Variants in SHISA9 observed in about 807,000 individuals in gnomAD.
The protein encoded by SHISA9 is protein shisa-9.
SHISA9 carries 13 observed loss-of-function variants against 38.0 expected under a neutral mutation model. The observed-to-expected ratio is 0.34, with a 90% CI of 0.22 to 0.54. The LOEUF (loss-of-function observed/expected upper bound fraction) is 0.54, where lower values mean the gene tolerates loss of function less well. SHISA9 is among the 20% of genes least tolerant of loss of function. SHISA9 has a pLI of 0.91. For synonymous variants in SHISA9, 275 were observed against 242.0 expected (o/e 1.14, Z -1.27); for missense variants, 538 against 575.8 (o/e 0.93, Z 0.67).
chr16:12,938,492 CT>C (rs1056586397), intron 2 of SHISA9, among the ~76,000 whole-genome samples: 1 of 151,850 alleles, frequency 6.6e-6, no homozygotes, highest in Non-Finnish European at 1.5e-5. Context: ...CTAATTCTCT[CT>C]CTCTCTCTCT....
the SHISA9 span, among the ~76,000 whole-genome samples, chr16:13,362,184 C>A: frequency 1.5e-5 from 2 of 130,580 alleles, no homozygotes; most frequent in African/African-American, 5.8e-5. Context: ...GGCAACATAG[C>A]AAGACCTTGT....
the SHISA9 span, among the ~76,000 whole-genome samples, chr16:13,254,413 G>C: frequency 1.3e-5 from 2 of 152,200 alleles, no homozygotes; most frequent in African/African-American, 4.8e-5. Flanking sequence ...GTTCCAACCG[G>C]AGGGTTTGTT....
chr16:13,492,262 C>T, the SHISA9 span, among the ~76,000 whole-genome samples: 2 of 152,124 alleles, frequency 1.3e-5, no homozygotes, highest in Admixed American at 6.6e-5. Context: ...GTGCTGGAGC[C>T]TCTGTGTTCT....
intron 2 of SHISA9, among the ~76,000 whole-genome samples, chr16:12,943,322 TGTGTGTGTGAGAGAGAGAGAGAGA>T (rs1567347612): frequency 1.4e-3 from 30 of 22,066 alleles, no homozygotes; most frequent in African/African-American, 4.4e-3. Context: ...TGTGTGTGTG[TGTGTGTGTGAGAGAGAGAGAGAGA>T]GAGAGAGAGA....
chr16:13,216,203 AAAAGAGAG>A (rs1411153914), intron 4 of SHISA9, among the ~76,000 whole-genome samples: 15 of 124,236 alleles, frequency 1.2e-4, no homozygotes, highest in Admixed American at 1.1e-3. Context: ...AAAAAAAAAA[AAAAGAGAG>A]AGACAATTTG....
the SHISA9 span, among the ~76,000 whole-genome samples, chr16:13,331,165 C>T: frequency 1.2e-4 from 19 of 152,118 alleles, no homozygotes; most frequent in African/African-American, 4.3e-4. Flanking sequence ...GCTAGACCCA[C>T]GAAGTGTCCC....
At chr16:13,337,409 G>T in the SHISA9 span, among the ~76,000 whole-genome samples, 1 of 152,054 alleles carries the variant, frequency 6.6e-6, no homozygotes, top group East Asian at 1.9e-4. Context: ...CTTCTGCCAT[G>T]ATTGTGAGGC....
At chr16:13,405,950 A>T in the SHISA9 span, among the ~76,000 whole-genome samples, 2 of 152,134 alleles carry the variant, frequency 1.3e-5, no homozygotes, top group East Asian at 3.9e-4. Context: ...ACAAAAAAAA[A>T]AAAAAGCAAT....
At chr16:13,154,913 G>A (rs1163873193) in intron 2 of SHISA9, among the ~76,000 whole-genome samples, 3 of 152,250 alleles carry the variant, frequency 2.0e-5, no homozygotes, top group African/African-American at 7.2e-5. Context: ...GAAGCCTGCA[G>A]AGATGGGAAC....
At chr16:13,203,667 TTC>T in intron 3 of SHISA9, 118 bp downstream of exon 3, 6 of 1,137,570 alleles carry the variant, frequency 5.3e-6, no homozygotes, top group South Asian at 4.2e-5. Context: ...CTCTCTTTTT[TTC>T]TCTTTCTGCT....
rs558842510 is a variant in SHISA9 at position 13,080,246 on chromosome 16, G to A, written c.692-123148G>A. On this transcript the variant is annotated intron_variant, in intron 2 of 4. Coordinates refer to ENST00000558583, the MANE Select transcript of SHISA9 (RefSeq NM_001145204.3). ...AAATTAGCTGGGCGTGGTGGTGGGC[G>A]CCTGTAATCCCAGCTACTTGGGAGG... is the stretch of plus-strand genomic sequence containing the variant. 2.8e-4 allele frequency among the ~76,000 whole-genome samples: 43 copies of A among 152,258 alleles called. No individual in the cohort carries two copies. The East Asian group carries it at 6.8e-3, about 24-fold the overall frequency.
chr16:12,902,548 G>A lies in SHISA9; in HGVS notation c.484G>A (p.Ala162Thr), dbSNP rs1304929268. 8.4e-6 allele frequency: 13 copies of A among 1,551,342 alleles called. No homozygotes were observed. Among genetic ancestry groups the A allele is most frequent in the East Asian group, 2.4e-5 (1 of 40,888 alleles). The change falls in exon 1 of 5, where the codon GCC (alanine) becomes ACC (threonine). Residue 162 changes from alanine (A) to threonine (T), a missense_variant. Transcript: ENST00000558583. ...CGTCTACATCATCTGCGGGGTGGTGGCCGTCATGGTGCTCGTGGGCATCTT... is the reference window on the plus strand; with the variant it reads ...CGTCTACATCATCTGCGGGGTGGTGACCGTCATGGTGCTCGTGGGCATCTT... ...LIVYIICGVV[A>T]VMVLVGIFTK...
chr16:13,309,187 C>T, the SHISA9 span, among the ~76,000 whole-genome samples: 17 of 151,962 alleles, frequency 1.1e-4, no homozygotes, highest in African/African-American at 3.9e-4. Context: ...TGCTGGGGGG[C>T]CAGGGGGTAA....
At chr16:13,510,391 C>T in the SHISA9 span, among the ~76,000 whole-genome samples, 3 of 152,134 alleles carry the variant, frequency 2.0e-5, no homozygotes, top group Admixed American at 1.3e-4. Context: ...GTGGCTGAGC[C>T]GAGATTTGAA....
chr16:13,053,170 C>T (rs2073272095), intron 2 of SHISA9, among the ~76,000 whole-genome samples: 3 of 151,946 alleles, frequency 2.0e-5, no homozygotes, highest in African/African-American at 7.3e-5. Flanking sequence ...GCCATGTTGG[C>T]CAGGCTGGTC....
At chr16:13,450,774 T>C in the SHISA9 span, among the ~76,000 whole-genome samples, 1 of 151,762 alleles carries the variant, frequency 6.6e-6, no homozygotes, top group African/African-American at 2.4e-5. Context: ...GTTGTTGTTT[T>C]GTTGTTGTTG....
intron 2 of SHISA9, among the ~76,000 whole-genome samples, chr16:13,057,936 A>G (rs1190133471): frequency 2.0e-5 from 3 of 152,208 alleles, no homozygotes; most frequent in Non-Finnish European, 4.4e-5. Flanking sequence ...TTTGCTGAGG[A>G]TAATGGCTTC....
chr16:12,968,640 G>C (rs2072012758), intron 2 of SHISA9, among the ~76,000 whole-genome samples: 1 of 152,194 alleles, frequency 6.6e-6, no homozygotes, highest in South Asian at 2.1e-4. Flanking sequence ...TTGAGTGAGA[G>C]AAGCCAGGCA....
intron 2 of SHISA9, among the ~76,000 whole-genome samples, chr16:13,142,331 T>C (rs1259503712): frequency 6.6e-6 from 1 of 152,234 alleles, no homozygotes; most frequent in Non-Finnish European, 1.5e-5. Context: ...CTTCTGTAGC[T>C]ATTCAGTTTG....
Sources: allele counts gnomAD v4.1 joint callset (sites outside exome capture counted in the v4.1 genomes callset), GRCh38; gene constraint gnomAD v4.1.1; transcripts MANE v1.5; gene names NCBI Gene and HGNC (gene_info 2026-07-23, HGNC 2026-07-21).